COL8A2: variants seen among roughly 807,000 people sequenced by gnomAD.
COL8A2 encodes collagen type VIII alpha 2 chain.
COL8A2 carries 16 observed loss-of-function variants against 24.0 expected under a neutral mutation model. The observed-to-expected ratio is 0.67, with a 90% CI of 0.45 to 1.01. The LOEUF (loss-of-function observed/expected upper bound fraction) is 1.01, where lower values mean the gene tolerates loss of function less well. Ranked by LOEUF, COL8A2 falls within the 50% of genes least tolerant of loss-of-function variation. The pLI is 0.00. For missense variants in COL8A2, 818 were observed against 942.4 expected (o/e 0.87, Z 1.73); for synonymous variants, 466 against 424.5 (o/e 1.10, Z -1.20).
chr1:36,119,488 G>A (rs777266477), intron 1 of COL8A2, among the ~76,000 whole-genome samples: 32 of 152,168 alleles, frequency 2.1e-4, no homozygotes, highest in Admixed American at 5.9e-4. Flanking sequence ...CACCCCCTCA[G>A]TCCCTCCTGC....
chr1:36,111,194 G>A (rs555751534), intron 2 of COL8A2, among the ~76,000 whole-genome samples: 1 of 151,970 alleles, frequency 6.6e-6, no homozygotes, highest in African/African-American at 2.4e-5. Context: ...ATGTCCACAC[G>A]GGCCTGACCC....
intron 1 of COL8A2, among the ~76,000 whole-genome samples, chr1:36,119,128 G>A (rs137865354): frequency 2.0e-5 from 3 of 152,286 alleles, no homozygotes; most frequent in Non-Finnish European, 4.4e-5. Flanking sequence ...AGGTAACCAG[G>A]CTAGGAAGTG....
chr1:36,114,318 C>CAAA (rs57876657), intron 2 of COL8A2, among the ~76,000 whole-genome samples: 4,357 of 115,104 alleles, frequency 0.038, 338 homozygotes, highest in African/African-American at 0.13. Context: ...GACTCCATCT[C>CAAA]AAAAAAAAAA....
intron 2 of COL8A2, among the ~76,000 whole-genome samples, chr1:36,109,965 T>C (rs1643816128): frequency 2.2e-5 from 3 of 138,786 alleles, no homozygotes; most frequent in Non-Finnish European, 4.6e-5. Context: ...AGTCTTGCTC[T>C]GTTGCCCAGA....
At chr1:36,102,660 G>C (rs1222977311) in intron 2 of COL8A2, among the ~76,000 whole-genome samples, 1 of 130,568 alleles carries the variant, frequency 7.7e-6, no homozygotes, top group East Asian at 2.2e-4. Flanking sequence ...TATCTATAAA[G>C]CTGGTTTTTT....
In COL8A2 at chr1:36,115,750, G is replaced by C; in HGVS notation, c.-59C>G. On this transcript the variant is annotated splice_region_variant and 5_prime_UTR_variant, in exon 2 of 4. Transcript: ENST00000397799. This position sits in a 1 kb window ranked among gnomAD's most constrained non-coding sequence, Gnocchi z 5.7. ...CCTGGGAAGGTTCCAGCAGAGGCAG[G>C]GCCTGAGGATGAACAAGAGAAACAG... The C allele has an allele frequency of 1.0e-6, 1 of 985,450 alleles. No individual in the cohort carries two copies. Among genetic ancestry groups the C allele is most frequent in the Non-Finnish European group, 1.2e-6 (1 of 830,024 alleles). The allele number at this position is 985,450 out of a possible 1,614,324, so 61.0% of individuals were successfully genotyped here.
rs1643623358 is a variant in COL8A2 at position 36,098,879 on chromosome 1, C to T, written c.802G>A (p.Ala268Thr). The T allele has an allele frequency of 6.2e-7, 1 of 1,612,300 alleles. No homozygotes were observed. Among genetic ancestry groups the T allele is most frequent in the South Asian group, 1.1e-5 (1 of 91,062 alleles). ...GVPGPRGEPG[A>T]VGPKGPPGVD... Reference sequence around the variant, plus strand: ...CCAGGAGGTCCTTTTGGGCCCACAGCTCCTGGCTCCCCCCTGGGGCCTGGA... The same window carrying T: ...CCAGGAGGTCCTTTTGGGCCCACAGTTCCTGGCTCCCCCCTGGGGCCTGGA... The change falls in exon 4 of 4, where the codon GCT (alanine) becomes ACT (threonine). Residue 268 changes from alanine (A) to threonine (T), a missense_variant. Ala to Thr is a moderately conservative substitution (Grantham distance 58). Around this residue, in one of 3 missense-constraint regions of COL8A2, gnomAD observed 573 missense variants for 616.8 expected, o/e 0.93. Coordinates refer to ENST00000397799, the MANE Select transcript of COL8A2 (RefSeq NM_005202.4).
Position 36,100,192 on chromosome 1 carries a change from C to CACCAGT in COL8A2, c.45_50dup (p.Val19_Leu20dup). ...CCCGCGGCCCACACCCCAGCACCAG[C>CACCAGT]ACCAGTAGCAGCAGCAGCAGCGAAG... On this transcript the variant is annotated inframe_insertion, in exon 3 of 4. Coordinates refer to ENST00000397799, the MANE Select transcript of COL8A2 (RefSeq NM_005202.4). The CACCAGT allele has an allele frequency of 3.7e-6, 6 of 1,603,536 alleles. No individual in the cohort carries two copies. Among genetic ancestry groups the CACCAGT allele is most frequent in the Non-Finnish European group, 4.3e-6 (5 of 1,175,524 alleles).
At chr1:36,107,960 C>T (rs553233833) in intron 2 of COL8A2, among the ~76,000 whole-genome samples, 4 of 152,166 alleles carry the variant, frequency 2.6e-5, no homozygotes, top group African/African-American at 4.8e-5. Context: ...TGTTTCCCCC[C>T]GTAGCTCTCC....
At chr1:36,119,699 G>A (rs771950642) in intron 1 of COL8A2, among the ~76,000 whole-genome samples, 1 of 152,252 alleles carries the variant, frequency 6.6e-6, no homozygotes, top group Non-Finnish European at 1.5e-5. Flanking sequence ...AGCACAGTGG[G>A]AAGGAAGGAG....
At chr1:36,107,411 A>G (rs541558183) in intron 2 of COL8A2, among the ~76,000 whole-genome samples, 1 of 151,972 alleles carries the variant, frequency 6.6e-6, no homozygotes, top group East Asian at 1.9e-4. Context: ...CTCAAAAAAA[A>G]AAAAAGAACC....
intron 2 of COL8A2, among the ~76,000 whole-genome samples, chr1:36,109,046 C>T (rs1320133126): frequency 6.6e-6 from 1 of 152,206 alleles, no homozygotes; most frequent in Non-Finnish European, 1.5e-5. Flanking sequence ...CAGACCCCCA[C>T]AGGGTGGGTG....
intron 2 of COL8A2, among the ~76,000 whole-genome samples, chr1:36,101,440 C>T (rs1643678481): frequency 6.6e-6 from 1 of 152,202 alleles, no homozygotes; most frequent in African/African-American, 2.4e-5. Flanking sequence ...TATAAAGCCT[C>T]ATTTCTTTGT....
rs1367797072 is a variant in COL8A2 at position 36,099,012 on chromosome 1, A to AC, written c.668dup (p.Ala224CysfsTer30). The stretch of plus-strand genomic sequence containing the variant: ...CAGGGAGGCCGGGGGGGCCGGGGGC[A>AC]CCCCCCTGCCCTGGGGCCCCAGGCA... On this transcript the variant is annotated frameshift_variant, in exon 4 of 4. Coordinates refer to ENST00000397799, the MANE Select transcript of COL8A2 (RefSeq NM_005202.4). LOFTEE classifies it low-confidence loss of function (END_TRUNC). The AC allele has an allele frequency of 6.4e-7, 1 of 1,552,438 alleles. No homozygotes were observed.
At chr1:36,117,304 CA>C (rs1347438779) in intron 1 of COL8A2, among the ~76,000 whole-genome samples, 2 of 152,264 alleles carry the variant, frequency 1.3e-5, no homozygotes, top group Admixed American at 6.5e-5. Context: ...CCCTCCAGCT[CA>C]GCTTAGCCCC....
intron 2 of COL8A2, among the ~76,000 whole-genome samples, chr1:36,107,614 G>A (rs1248426639): frequency 1.3e-5 from 2 of 152,124 alleles, no homozygotes; most frequent in African/African-American, 2.4e-5. Flanking sequence ...AGTGCGCACT[G>A]GCCACAGCGG....
intron 2 of COL8A2, among the ~76,000 whole-genome samples, chr1:36,113,415 G>T (rs186132556): frequency 6.6e-6 from 1 of 152,314 alleles, no homozygotes; most frequent in East Asian, 1.9e-4. Flanking sequence ...CTAGCTGTTG[G>T]TCATTGGGTG....
At position 36,097,244 on chromosome 1, in the gene COL8A2, C is replaced by T. The variant is rs911346165; in HGVS notation, c.*325G>A. The T allele has an allele frequency of 7.7e-6, 2 of 258,946 alleles. No individual in the cohort carries two copies. The highest frequency in any genetic ancestry group is 1.4e-4 in the South Asian group (2 of 14,656). The allele number at this position is 258,946 out of a possible 1,614,324, so 16.0% of individuals were successfully genotyped here. A position where few individuals can be genotyped will look rare whatever the true frequency, so the allele number is the denominator to read the frequency against. On this transcript the variant is annotated 3_prime_UTR_variant, in exon 4 of 4. Transcript: ENST00000397799. Reference sequence around the variant, plus strand: ...TGGGAAGGGCTGTCTCCCCACGTGGCGGGGTGGGGAGTTGAGCTCCCTCTC... The same window carrying T: ...TGGGAAGGGCTGTCTCCCCACGTGGTGGGGTGGGGAGTTGAGCTCCCTCTC...
chr1:36,102,136 G>A (rs529077127), intron 2 of COL8A2, among the ~76,000 whole-genome samples: 5 of 152,268 alleles, frequency 3.3e-5, no homozygotes, highest in African/African-American at 1.2e-4. Context: ...CTGCACTCCA[G>A]CCTGGGTGAC....
Sources: allele counts gnomAD v4.1 joint callset (sites outside exome capture counted in the v4.1 genomes callset), GRCh38; gene constraint gnomAD v4.1.1; regional missense constraint gnomAD v4.1.1; non-coding constraint Gnocchi (gnomAD v3.1); transcripts MANE v1.5; gene names NCBI Gene and HGNC (gene_info 2026-07-23, HGNC 2026-07-21).